The following ZNF536 variants were observed in gnomAD, a reference collection of about 807,000 sequenced individuals.
ZNF536 encodes zinc finger protein 536.
In ZNF536, 13 loss-of-function variants were observed where a neutral mutation model predicts 84.5. The observed-to-expected ratio is 0.15, with a 90% CI of 0.10 to 0.24. The LOEUF is 0.24. Among genes scored for constraint, ZNF536 ranks in the 10% least tolerant of loss-of-function variants. ZNF536 has a pLI of 1.00. For missense variants in ZNF536, 1,536 were observed against 1,747.5 expected (o/e 0.88, Z 2.16); for synonymous variants, 811 against 742.5 (o/e 1.09, Z -1.50).
rs529040779 is a variant in ZNF536, at chr19:30,312,417, G to A, written c.-120+28276G>A. 2.9e-3 allele frequency among the ~76,000 whole-genome samples: 448 copies of A among 152,222 alleles called. 3 individuals carry two copies. Among genetic ancestry groups the A allele is most frequent in the African/African-American group, 7.2e-3 (300 of 41,530 alleles). On this transcript the variant is annotated intron_variant, in intron 2 of 5. Coordinates refer to the ZNF536 transcript ENST00000585628. ...CTCTCCAACCCTTGCTGGCCCGAGC[G>A]CACAGAGCTTCCCATGCTCACATTT... is the stretch of plus-strand genomic sequence containing the variant.
intron 1 of ZNF536, among the ~76,000 whole-genome samples, chr19:30,694,621 A>G (rs1304675007): frequency 6.6e-6 from 1 of 152,244 alleles, no homozygotes; most frequent in Non-Finnish European, 1.5e-5. Flanking sequence ...GAAACTGGAA[A>G]TCCATGTTTT....
intron 2 of ZNF536, among the ~76,000 whole-genome samples, chr19:30,498,375 G>T (rs1234509516): frequency 1.3e-5 from 2 of 152,126 alleles, no homozygotes; most frequent in Non-Finnish European, 1.5e-5. Context: ...ACTTATAAGT[G>T]GGAGCTGAAC....
Position 30,445,498 on chromosome 19 carries a change from G to A in ZNF536, c.1936G>A (p.Val646Met), listed in dbSNP as rs2148227209. 1 of 1,614,126 alleles carries A rather than the reference G, an allele frequency of 6.2e-7. No homozygotes were observed. The highest frequency in any genetic ancestry group is 8.5e-7 in the Non-Finnish European group (1 of 1,180,034). Residue 646 changes from valine (V) to methionine (M), a missense_variant, in exon 2 of 5, where the codon GTG becomes ATG. Physicochemically the swap from Val to Met is conservative, Grantham distance 21. Coordinates refer to ENST00000355537, the MANE Select transcript of ZNF536 (RefSeq NM_014717.3). The surrounding 1 kb of genome is among the most constrained non-coding windows in gnomAD (Gnocchi z 4.5). ...CCGGGTGTTCCGCACTTACCACCAG[G>A]TGGTCGTGCACTCCCGTGTCCACAA... ...CGRVFRTYHQ[V>M]VVHSRVHKRD...
At chr19:30,302,204 G>A (rs1224041146) in intron 2 of ZNF536, among the ~76,000 whole-genome samples, 1 of 152,188 alleles carries the variant, frequency 6.6e-6, no homozygotes, top group Non-Finnish European at 1.5e-5. Context: ...CAGCTTCCTC[G>A]GAAATCCTAA....
intron 2 of ZNF536, among the ~76,000 whole-genome samples, chr19:30,318,159 C>A (rs1348186355): frequency 6.6e-6 from 1 of 152,146 alleles, no homozygotes; most frequent in Non-Finnish European, 1.5e-5. Flanking sequence ...CCAGTTTCCC[C>A]CAGGACCCCT....
At chr19:30,294,912 C>T (rs2045951358) in intron 2 of ZNF536, among the ~76,000 whole-genome samples, 1 of 152,146 alleles carries the variant, frequency 6.6e-6, no homozygotes, top group African/African-American at 2.4e-5. Context: ...AGTGAGGAGG[C>T]TGGTTCTGAT....
chr19:30,693,746 T>C (rs893498181), intron 1 of ZNF536, among the ~76,000 whole-genome samples: 2 of 152,232 alleles, frequency 1.3e-5, no homozygotes, highest in African/African-American at 2.4e-5. Context: ...ACAGTACCAA[T>C]TTGTTGAATT....
intron 1 of ZNF536, among the ~76,000 whole-genome samples, chr19:30,593,213 C>T (rs1203876926): frequency 6.6e-6 from 1 of 152,074 alleles, no homozygotes; most frequent in Non-Finnish European, 1.5e-5. Flanking sequence ...TGGTTTTCTG[C>T]TTGTCAGTAT....
chr19:30,620,250 G>C (rs1044685575), intron 1 of ZNF536, among the ~76,000 whole-genome samples: 12 of 152,042 alleles, frequency 7.9e-5, no homozygotes, highest in African/African-American at 2.9e-4. Context: ...AGGGAAAGCT[G>C]GGCCGGTGTT....
intron 2 of ZNF536, among the ~76,000 whole-genome samples, chr19:30,529,459 A>G (rs1306026641): frequency 1.3e-5 from 2 of 152,174 alleles, no homozygotes; most frequent in Non-Finnish European, 2.9e-5. Context: ...CCAGTGGATG[A>G]TGAGGATTCT....
rs1252414240 is a variant in ZNF536, at chr19:30,581,486, AG to A, written c.169+31973del. 6.7e-4 allele frequency among the ~76,000 whole-genome samples: 102 copies of A among 152,058 alleles called. 1 individual carries two copies. The highest frequency in any genetic ancestry group is 2.4e-3 in the African/African-American group (100 of 41,468). Reference sequence around the variant, plus strand: ...AGCCAGGGTCCATCTCAAAAAGAAAAGAAAAAAAAAGTTACAGTTGCTTGTG... The same window carrying A: ...AGCCAGGGTCCATCTCAAAAAGAAAAAAAAAAAAAGTTACAGTTGCTTGTG... On this transcript the variant is annotated intron_variant, in intron 1 of 1. Transcript: ENST00000592773.
intron 2 of ZNF536, among the ~76,000 whole-genome samples, chr19:30,478,229 T>A (rs1185278260): frequency 1.3e-5 from 2 of 151,854 alleles, no homozygotes; most frequent in African/African-American, 4.8e-5. Flanking sequence ...ATATATGCTA[T>A]GAAGTCATTT....
At chr19:30,634,308 A>G (rs990478137) in intron 1 of ZNF536, among the ~76,000 whole-genome samples, 14 of 152,190 alleles carry the variant, frequency 9.2e-5, no homozygotes, top group Non-Finnish European at 1.5e-4. Context: ...ACAAAGTGAT[A>G]TATTGTATCA....
chr19:30,570,003 A>C (rs1265408646), intron 1 of ZNF536, among the ~76,000 whole-genome samples: 9 of 152,088 alleles, frequency 5.9e-5, no homozygotes, highest in Admixed American at 5.9e-4. Flanking sequence ...TGGGGAGGGG[A>C]GTGCTTCTGG....
rs551427470 is a variant in ZNF536 at position 30,406,651 on chromosome 19, T to C, written c.-3+34095T>C. 2.0e-5 allele frequency among the ~76,000 whole-genome samples: 3 copies of C among 152,288 alleles called. No individual in the cohort carries two copies. The East Asian group carries it at 5.8e-4, about 30-fold the overall frequency. On this transcript the variant is annotated intron_variant, in intron 1 of 4. Transcript: ENST00000355537. ...GGAAACTGTACGGCCAGTTTTCCTTTTAAGGGTTGAGCAACGTGCCGGGGC... is the reference window on the plus strand; with the variant it reads ...GGAAACTGTACGGCCAGTTTTCCTTCTAAGGGTTGAGCAACGTGCCGGGGC...
intron 2 of ZNF536, among the ~76,000 whole-genome samples, chr19:30,314,740 C>T (rs560327978): frequency 1.3e-5 from 2 of 152,230 alleles, no homozygotes; most frequent in Admixed American, 1.3e-4. Context: ...GTCCAGGGCT[C>T]TTATTGGTCT....
At chr19:30,635,857 T>C (rs2049046200) in intron 1 of ZNF536, among the ~76,000 whole-genome samples, 1 of 152,170 alleles carries the variant, frequency 6.6e-6, no homozygotes, top group Admixed American at 6.5e-5. Context: ...GGAGAGCGCT[T>C]ACCTCCTCTC....
chr19:30,449,151 T>A (rs1023263960), intron 2 of ZNF536, among the ~76,000 whole-genome samples: 1 of 152,228 alleles, frequency 6.6e-6, no homozygotes, highest in Non-Finnish European at 1.5e-5. Flanking sequence ...CACTTCCCCA[T>A]CTTCCCCCTT....
chr19:30,297,270 A>T (rs989893036), intron 2 of ZNF536, among the ~76,000 whole-genome samples: 1 of 152,164 alleles, frequency 6.6e-6, no homozygotes, highest in Non-Finnish European at 1.5e-5. Context: ...TTTTACATCT[A>T]AAAAAGGTTC....
Sources: gnomAD v4.1 joint callset for allele counts (sites outside exome capture counted in the v4.1 genomes callset) on GRCh38, gnomAD v4.1.1 for gene constraint, Gnocchi (gnomAD v3.1) non-coding constraint, MANE v1.5 for transcripts, NCBI Gene and HGNC (gene_info 2026-07-23, HGNC 2026-07-21) for gene names.